The following RBFOX1 variants were observed in gnomAD, a reference collection of about 807,000 sequenced individuals.
RBFOX1 encodes the protein RNA binding fox-1 homolog 1, also known as RNA binding protein fox-1 homolog 1.
In RBFOX1, 8 loss-of-function variants were observed where a neutral mutation model predicts 57.7. The ratio of observed to expected loss-of-function variants is 0.14; its 90% CI spans 0.08 to 0.25. RBFOX1 has a LOEUF of 0.25. Among genes scored for constraint, RBFOX1 ranks in the 10% least tolerant of loss-of-function variants. The pLI is 1.00. For synonymous variants in RBFOX1, 326 were observed against 222.4 expected, an observed-to-expected ratio of 1.47 and a Z score of -4.15; for missense variants, 611 against 548.5, an observed-to-expected ratio of 1.11 and a Z score of -1.14.
chr16:5,521,601 G>T (rs1352796261), intron 2 of RBFOX1, among the ~76,000 whole-genome samples: 2 of 152,146 alleles, frequency 1.3e-5, no homozygotes, highest in Non-Finnish European at 2.9e-5. Flanking sequence ...ACAGGGGACA[G>T]GTGGACACCA....
At chr16:6,153,624 C>T (rs936578704) in intron 1 of RBFOX1, among the ~76,000 whole-genome samples, 1 of 152,078 alleles carries the variant, frequency 6.6e-6, no homozygotes, top group South Asian at 2.1e-4. Context: ...CAACCTCTGC[C>T]TCCCGGGTTC....
chr16:7,039,050 C>G (rs2045369781), intron 3 of RBFOX1, among the ~76,000 whole-genome samples: 2 of 151,722 alleles, frequency 1.3e-5, no homozygotes, highest in African/African-American at 4.8e-5. Flanking sequence ...AAAGGAATAT[C>G]AGAAGTGCTC....
At chr16:6,893,525 A>T (rs892072655) in intron 3 of RBFOX1, among the ~76,000 whole-genome samples, 4 of 152,294 alleles carry the variant, frequency 2.6e-5, no homozygotes, top group Admixed American at 1.3e-4. Flanking sequence ...TGCTGAGCTC[A>T]GAAAGTGGAG....
intron 3 of RBFOX1, among the ~76,000 whole-genome samples, chr16:6,900,327 C>G (rs964319814): frequency 2.0e-5 from 3 of 152,168 alleles, no homozygotes; most frequent in African/African-American, 7.2e-5. Context: ...CCATCATCTC[C>G]CCCTGGAGCT....
intron 1 of RBFOX1, among the ~76,000 whole-genome samples, chr16:5,330,551 C>T (rs561158928): frequency 9.9e-5 from 15 of 152,016 alleles, no homozygotes; most frequent in South Asian, 2.1e-4. Flanking sequence ...TACAGGTGTG[C>T]GTGCTACCAT....
At chr16:6,227,868 A>C (rs1275744222) in intron 1 of RBFOX1, among the ~76,000 whole-genome samples, 1 of 152,230 alleles carries the variant, frequency 6.6e-6, no homozygotes, top group Non-Finnish European at 1.5e-5. Context: ...AAGGAGAGGT[A>C]AACAGTAGGG....
intron 9 of RBFOX1, among the ~76,000 whole-genome samples, chr16:7,601,197 G>T (rs1198302472): frequency 4.6e-5 from 7 of 152,198 alleles, no homozygotes; most frequent in Non-Finnish European, 1.0e-4. Context: ...GCCCGGATCA[G>T]TTCTTCCATT....
At chr16:5,258,856 C>T (rs1454744601) in intron 1 of RBFOX1, among the ~76,000 whole-genome samples, 1 of 151,822 alleles carries the variant, frequency 6.6e-6, no homozygotes, top group South Asian at 2.1e-4. Flanking sequence ...GTGGAAGTTG[C>T]AGTGAGCTAA....
chr16:6,749,329 A>T (rs2074439042), intron 3 of RBFOX1, among the ~76,000 whole-genome samples: 1 of 152,200 alleles, frequency 6.6e-6, no homozygotes, highest in South Asian at 2.1e-4. Context: ...CACAGGACGC[A>T]TTCCACACAG....
chr16:6,910,576 A>G (rs1240316501), intron 3 of RBFOX1, among the ~76,000 whole-genome samples: 1 of 152,138 alleles, frequency 6.6e-6, no homozygotes, highest in African/African-American at 2.4e-5. Context: ...GTAAAATCAA[A>G]GCCTCAGCAG....
intron 3 of RBFOX1, among the ~76,000 whole-genome samples, chr16:6,882,306 C>G (rs890932108): frequency 1.3e-5 from 2 of 152,138 alleles, no homozygotes; most frequent in South Asian, 2.1e-4. Context: ...TGCACTGGGT[C>G]TCATCCTTGT....
chr16:5,563,811 C>T (rs1200989543), intron 2 of RBFOX1, among the ~76,000 whole-genome samples: 1 of 152,132 alleles, frequency 6.6e-6, no homozygotes, highest in Non-Finnish European at 1.5e-5. Flanking sequence ...CCAAAGTAAC[C>T]TTGTACCTTT....
intron 4 of RBFOX1, among the ~76,000 whole-genome samples, chr16:7,057,302 T>C (rs1225164585): frequency 6.6e-6 from 1 of 152,278 alleles, no homozygotes; most frequent in African/African-American, 2.4e-5. Context: ...TCCAGCTATC[T>C]TAAGCAGAAA....
At chr16:6,569,960 C>G (rs1197324801) in intron 2 of RBFOX1, among the ~76,000 whole-genome samples, 2 of 152,082 alleles carry the variant, frequency 1.3e-5, no homozygotes, top group Non-Finnish European at 2.9e-5. Flanking sequence ...TTTGGTGCAG[C>G]CTGCCGGTAA....
chr16:7,225,207 C>T (rs1214379428), intron 4 of RBFOX1, among the ~76,000 whole-genome samples: 1 of 152,112 alleles, frequency 6.6e-6, no homozygotes, highest in Non-Finnish European at 1.5e-5. Context: ...CACGTGATCT[C>T]CTTTCCATGG....
chr16:7,278,453 T>G (rs1021940814), intron 4 of RBFOX1, among the ~76,000 whole-genome samples: 41 of 152,348 alleles, frequency 2.7e-4, no homozygotes, highest in African/African-American at 9.1e-4. Flanking sequence ...ATTTAGATGA[T>G]TGACTAAATA....
intron 2 of RBFOX1, among the ~76,000 whole-genome samples, chr16:6,444,021 C>CAGAT (rs1169937865): frequency 3.3e-5 from 5 of 152,112 alleles, no homozygotes; most frequent in Non-Finnish European, 5.9e-5. Context: ...TGTATATGAA[C>CAGAT]AGATATTGTA....
intron 10 of RBFOX1, among the ~76,000 whole-genome samples, chr16:7,621,107 G>C (rs2059250924): frequency 6.6e-6 from 1 of 152,070 alleles, no homozygotes; most frequent in South Asian, 2.1e-4. Flanking sequence ...GAGCATAGTA[G>C]AGTTTGAGAA....
In RBFOX1 at chr16:7,616,728, C is replaced by T. The variant is rs146269574; in HGVS notation, c.676+9390C>T. On this transcript the variant is annotated intron_variant, in intron 10 of 15. Coordinates refer to ENST00000550418, the MANE Select transcript of RBFOX1 (RefSeq NM_018723.4). ...TGTATTTTTAGTAGAGATGGGCTTT[C>T]ATCACGTTAGCCAGGCTGGTCTTGA... Among the ~76,000 whole-genome samples, 272 of 152,228 alleles carry T rather than the reference C, an allele frequency of 1.8e-3. 1 individual carries two copies. The highest frequency in any genetic ancestry group is 3.2e-3 in the Non-Finnish European group (217 of 68,026).
Sources: gnomAD v4.1 joint callset for allele counts (sites outside exome capture counted in the v4.1 genomes callset) on GRCh38, gnomAD v4.1.1 for gene constraint, MANE v1.5 for transcripts, NCBI Gene and HGNC (gene_info 2026-07-23, HGNC 2026-07-21) for gene names.